SLC35F1: variants seen among roughly 807,000 people sequenced by gnomAD.
SLC35F1 encodes chromosome 6 open reading frame 169.
SLC35F1 carries 14 observed loss-of-function variants against 48.7 expected under a neutral mutation model. The ratio of observed to expected loss-of-function variants is 0.29; its 90% CI spans 0.19 to 0.45. The LOEUF is 0.45. Among genes scored for constraint, SLC35F1 ranks in the 20% least tolerant of loss-of-function variants. The probability of loss-of-function intolerance (pLI) is 1.00; values close to 1 mark genes in which losing one functional copy is unlikely to be tolerated. For missense variants in SLC35F1, 404 were observed against 500.0 expected, an observed-to-expected ratio of 0.81 and a Z score of 1.83; for synonymous variants, 190 against 202.2, an observed-to-expected ratio of 0.94 and a Z score of 0.51.
chr6:117,949,202 G>A (rs1022943448), intron 1 of SLC35F1, among the ~76,000 whole-genome samples: 1 of 152,258 alleles, frequency 6.6e-6, no homozygotes, highest in East Asian at 1.9e-4. Context: ...ACTTCACCAA[G>A]CATCCAAAAC....
intron 2 of SLC35F1, among the ~76,000 whole-genome samples, chr6:118,175,757 G>A (rs756342857): frequency 6.6e-5 from 10 of 152,146 alleles, no homozygotes; most frequent in Non-Finnish European, 1.3e-4. Flanking sequence ...GCTTCTTGAG[G>A]TAGAAGATGA....
At chr6:118,207,305 G>A (rs1176257747) in intron 2 of SLC35F1, among the ~76,000 whole-genome samples, 2 of 152,178 alleles carry the variant, frequency 1.3e-5, no homozygotes, top group Non-Finnish European at 2.9e-5. Context: ...GTCACTGAAG[G>A]TTAGTAAATG....
At chr6:118,154,737 A>G in intron 2 of SLC35F1, 117 bp downstream of exon 2, 1 of 967,194 alleles carries the variant, frequency 1.0e-6, no homozygotes, top group Non-Finnish European at 1.5e-6. Flanking sequence ...AAAACCCCAG[A>G]TCTTACTTTT....
intron 6 of SLC35F1, among the ~76,000 whole-genome samples, chr6:118,282,205 A>G (rs1008638067): frequency 1.3e-5 from 2 of 152,246 alleles, no homozygotes; most frequent in Admixed American, 1.3e-4. Flanking sequence ...TTTCAGAGGC[A>G]TTGTTAATGT....
At chr6:118,269,404 G>T (rs932534538) in intron 4 of SLC35F1, among the ~76,000 whole-genome samples, 2 of 152,210 alleles carry the variant, frequency 1.3e-5, no homozygotes, top group African/African-American at 2.4e-5. Flanking sequence ...CTATTGAAAT[G>T]GTGCCCAAGT....
rs368354160 is a variant in SLC35F1, at chr6:118,201,879, G to C, written c.350-33630G>C. 3.3e-5 allele frequency among the ~76,000 whole-genome samples: 5 copies of C among 152,244 alleles called. No individual in the cohort carries two copies. The East Asian group carries it at 9.7e-4, about 29-fold the overall frequency. Reference sequence around the variant, plus strand: ...AAATCATATAATATGTGGTTTTCATGAATAGCTTCTTTACTTAGCACAATA... The same window carrying C: ...AAATCATATAATATGTGGTTTTCATCAATAGCTTCTTTACTTAGCACAATA... On this transcript the variant is annotated intron_variant, in intron 2 of 7. Coordinates refer to ENST00000360388, the MANE Select transcript of SLC35F1 (RefSeq NM_001029858.4).
At chr6:117,929,619 T>C (rs1776075267) in intron 1 of SLC35F1, among the ~76,000 whole-genome samples, 1 of 152,000 alleles carries the variant, frequency 6.6e-6, no homozygotes, top group Non-Finnish European at 1.5e-5. Flanking sequence ...GTTTCTATGT[T>C]ACAGTCTTGA....
chr6:118,040,708 C>G (rs1437095487), intron 1 of SLC35F1, among the ~76,000 whole-genome samples: 1 of 151,072 alleles, frequency 6.6e-6, no homozygotes, highest in East Asian at 1.9e-4. Flanking sequence ...ATATCATGCC[C>G]CAAAGTGAGA....
intron 2 of SLC35F1, among the ~76,000 whole-genome samples, chr6:118,157,344 A>G (rs205965): frequency 0.5 from 76,029 of 151,904 alleles, 21,461 homozygotes; most frequent in African/African-American, 0.75. Context: ...ACCAGCCCTC[A>G]GTGTAAGATG....
At chr6:118,220,569 AG>A (rs1417545293) in intron 2 of SLC35F1, among the ~76,000 whole-genome samples, 2 of 152,224 alleles carry the variant, frequency 1.3e-5, no homozygotes, top group African/African-American at 4.8e-5. Flanking sequence ...AGAGACAAGC[AG>A]CATTGCAGTC....
chr6:118,166,806 G>A (rs1368945331), intron 2 of SLC35F1, among the ~76,000 whole-genome samples: 4 of 152,192 alleles, frequency 2.6e-5, no homozygotes, highest in South Asian at 2.1e-4. Context: ...ATTGGTGAAC[G>A]TGTTCCTATA....
intron 1 of SLC35F1, among the ~76,000 whole-genome samples, chr6:117,961,739 G>A (rs1339970830): frequency 6.6e-6 from 1 of 152,090 alleles, no homozygotes; most frequent in Non-Finnish European, 1.5e-5. Flanking sequence ...ATGTTTCCCA[G>A]TAATCCACTG....
intron 1 of SLC35F1, among the ~76,000 whole-genome samples, chr6:118,033,865 A>G (rs1772088173): frequency 6.6e-6 from 1 of 152,214 alleles, no homozygotes; most frequent in South Asian, 2.1e-4. Context: ...CTGTAGGCTC[A>G]TTGAGATCTG....
At position 117,907,902 on chromosome 6, in the gene SLC35F1, G is replaced by GAGC; in HGVS notation, c.173+4_173+6dup. 1 of 1,342,526 alleles carries GAGC rather than the reference G, an allele frequency of 7.4e-7. No homozygotes were observed. Among genetic ancestry groups the GAGC allele is most frequent in the Non-Finnish European group, 9.5e-7 (1 of 1,053,138 alleles). The allele number at this position is 1,342,526 out of a possible 1,614,324, so 83.2% of individuals were successfully genotyped here. ...AGGATCCGCAAAGTGCTGAACAGGT[G>GAGC]AGCGGCGGCGCCGGGCGAGGGCGCG... is the stretch of plus-strand genomic sequence containing the variant. On this transcript the variant is annotated splice_donor_region_variant and intron_variant, in intron 1 of 7. Coordinates refer to ENST00000360388, the MANE Select transcript of SLC35F1 (RefSeq NM_001029858.4).
At chr6:118,230,581 C>T (rs923910577) in intron 2 of SLC35F1, among the ~76,000 whole-genome samples, 1 of 152,122 alleles carries the variant, frequency 6.6e-6, no homozygotes, top group African/African-American at 2.4e-5. Flanking sequence ...TTACAGTAAA[C>T]CTTCACATAA....
At chr6:118,038,012 T>C (rs1368988974) in intron 1 of SLC35F1, among the ~76,000 whole-genome samples, 1 of 152,124 alleles carries the variant, frequency 6.6e-6, no homozygotes, top group East Asian at 1.9e-4. Context: ...ATTCTGCACA[T>C]GTATCCCAGA....
At chr6:118,036,172 AT>A (rs1313658464) in intron 1 of SLC35F1, among the ~76,000 whole-genome samples, 1 of 152,120 alleles carries the variant, frequency 6.6e-6, no homozygotes, top group African/African-American at 2.4e-5. Context: ...ATGTACATAA[AT>A]TTCCCTGAAA....
intron 1 of SLC35F1, among the ~76,000 whole-genome samples, chr6:117,927,677 C>A (rs1438586358): frequency 2.0e-5 from 3 of 152,082 alleles, no homozygotes; most frequent in East Asian, 3.9e-4. Flanking sequence ...TAGAACAGTG[C>A]CTGCCATATG....
chr6:117,948,575 T>C (rs534615655), intron 1 of SLC35F1, among the ~76,000 whole-genome samples: 1 of 152,206 alleles, frequency 6.6e-6, no homozygotes, highest in Admixed American at 6.5e-5. Flanking sequence ...CTATCACATA[T>C]CAAGTTTTGC....
Sources: gnomAD v4.1 joint callset for allele counts (sites outside exome capture counted in the v4.1 genomes callset) on GRCh38, gnomAD v4.1.1 for gene constraint, MANE v1.5 for transcripts, NCBI Gene and HGNC (gene_info 2026-07-23, HGNC 2026-07-21) for gene names.